The following SARM1 variants were observed in gnomAD, a reference collection of about 807,000 sequenced individuals.
The protein encoded by SARM1 is NAD(+) hydrolase SARM1.
A neutral mutation model predicts 65.1 loss-of-function variants in SARM1; 60 were observed. That is an observed-to-expected ratio of 0.92 (90% CI 0.75 to 1.14). The LOEUF (loss-of-function observed/expected upper bound fraction) is 1.14. SARM1 is among the 50% of genes most tolerant of loss of function. The probability of loss-of-function intolerance (pLI) is 0.00; values close to 1 mark genes in which losing one functional copy is unlikely to be tolerated. For synonymous variants in SARM1, 417 were observed against 465.4 expected, an observed-to-expected ratio of 0.90 and a Z score of 1.34; for missense variants, 913 against 1,015.7, an observed-to-expected ratio of 0.90 and a Z score of 1.37.
chr17:28,396,293 C>A lies in SARM1; in HGVS notation c.*7C>A. ...ACCCATGGGTCCAACCTAACCAGTC[C>A]CCAGTTCCCCAGCCCTGCTGTGACT... On this transcript the variant is annotated 3_prime_UTR_variant, in exon 9 of 9. Transcript: ENST00000585482. 1 of 1,613,730 alleles carries A rather than the reference C, an allele frequency of 6.2e-7. No homozygotes were observed. Among genetic ancestry groups the A allele is most frequent in the Non-Finnish European group, 8.5e-7 (1 of 1,179,822 alleles).
chr17:28,388,348 A>C lies in SARM1; in HGVS notation c.1734-2A>C, dbSNP rs782806850. The C allele has an allele frequency of 3.7e-6, 6 of 1,613,634 alleles. No homozygotes were observed. The highest frequency in any genetic ancestry group is 5.1e-6 in the Non-Finnish European group (6 of 1,179,792). ...TGGCACTGACACAGGACTTACTTGC[A>C]GTCTCCTGAAGGTGCACCTGCAGCT... is the stretch of plus-strand genomic sequence containing the variant. On this transcript the variant is annotated splice_acceptor_variant, in intron 6 of 8. Transcript: ENST00000585482. LOFTEE classifies it high-confidence loss of function.
rs1305677725 is a variant in SARM1, at chr17:28,384,044, G to T, written c.1090-313G>T. ...TGAGGTGAACTGGGAGTGATGGGCA[G>T]CTGCACTGTGCCCTGCCTGGCGCTA... On this transcript the variant is annotated intron_variant, in intron 2 of 8. Coordinates refer to ENST00000585482, the MANE Select transcript of SARM1 (RefSeq NM_015077.4). The surrounding 1 kb of genome is among the most constrained non-coding windows in gnomAD (Gnocchi z 4.4). Among the ~76,000 whole-genome samples the T allele has an allele frequency of 6.6e-6, 1 of 152,166 alleles. No individual in the cohort carries two copies. Among genetic ancestry groups the T allele is most frequent in the Non-Finnish European group, 1.5e-5 (1 of 68,034 alleles).
In SARM1 at chr17:28,398,222, A is replaced by G; in HGVS notation, c.*1936A>G. On this transcript the variant is annotated 3_prime_UTR_variant, in exon 9 of 9. Transcript: ENST00000585482. ...GTCCCACTCCCTCCTGAGGTCCCCAAGGGCAGTATTCAGAGAGGTTTCCTG... is the reference window on the plus strand; with the variant it reads ...GTCCCACTCCCTCCTGAGGTCCCCAGGGGCAGTATTCAGAGAGGTTTCCTG... The G allele has an allele frequency of 6.6e-6, 1 of 152,482 alleles. No homozygotes were observed. The highest frequency in any genetic ancestry group is 2.1e-4 in the South Asian group (1 of 4,830). 9.4% of individuals were successfully genotyped at this position (152,482 alleles called of 1,614,324 possible). A position where few individuals can be genotyped will look rare whatever the true frequency, so the allele number is the denominator to read the frequency against.
Position 28,384,755 on chromosome 17 carries a change from C to G in SARM1, c.1303-84C>G. Reference sequence around the variant, plus strand: ...GTCCCATCCGCCTCCTCCACGCCATCTCCAGTTCCTTCCCTTGCATCTTGT... The same window carrying G: ...GTCCCATCCGCCTCCTCCACGCCATGTCCAGTTCCTTCCCTTGCATCTTGT... On this transcript the variant is annotated intron_variant, in intron 3 of 8. Transcript: ENST00000585482. The surrounding 1 kb of genome is among the most constrained non-coding windows in gnomAD (Gnocchi z 4.4). 1 of 1,356,000 alleles carries G rather than the reference C, an allele frequency of 7.4e-7. No individual in the cohort carries two copies. Among genetic ancestry groups the G allele is most frequent in the East Asian group, 2.5e-5 (1 of 39,962 alleles). 84.0% of individuals were successfully genotyped at this position (1,356,000 alleles called of 1,614,324 possible).
At chr17:28,381,092 T>C (rs1343442171) in intron 1 of SARM1, 111 bp from the exon 2 acceptor site, 2 of 1,301,202 alleles carry the variant, frequency 1.5e-6, no homozygotes, top group Non-Finnish European at 2.1e-6. Flanking sequence ...TGCTCTCCCC[T>C]ATATGAGGCC....
chr17:28,381,966 G>T, intron 2 of SARM1, 145 bp downstream of exon 2: 1 of 1,106,594 alleles, frequency 9.0e-7, no homozygotes, highest in Non-Finnish European at 1.2e-6. Flanking sequence ...CAGTCATTTT[G>T]GCGTTGAAGG....
chr17:28,381,689 C>A lies in SARM1; in HGVS notation c.957C>A (p.Ser319Arg). ...GTCTGGTGGACGCCAGCGACACAAG[C>A]CAGGGCCGCGGGCCCGACGACCTGC... The part of the protein sequence containing the change: ...ARCLVDASDT[S>R]QGRGPDDLQR... The change falls in exon 2 of 9, where the codon AGC becomes AGA. Residue 319 changes from serine to arginine, a missense_variant. Ser to Arg is a moderately radical substitution (Grantham distance 110, BLOSUM62 -1). This residue lies in a region of SARM1 where 862 missense variants were observed against 952.1 expected (regional missense o/e 0.91). Coordinates refer to ENST00000585482, the MANE Select transcript of SARM1 (RefSeq NM_015077.4). 1 of 1,561,868 alleles carries A rather than the reference C, an allele frequency of 6.4e-7. No individual in the cohort carries two copies. The highest frequency in any genetic ancestry group is 8.7e-7 in the Non-Finnish European group (1 of 1,154,590).
chr17:28,375,665 G>C (rs1466966729), intron 1 of SARM1, among the ~76,000 whole-genome samples: 1 of 151,410 alleles, frequency 6.6e-6, no homozygotes, highest in Non-Finnish European at 1.5e-5. Flanking sequence ...GCACACAAAA[G>C]GTATACAGTT....
At chr17:28,393,856 T>A (rs1478682605) in intron 7 of SARM1, among the ~76,000 whole-genome samples, 1 of 152,238 alleles carries the variant, frequency 6.6e-6, no homozygotes, top group Non-Finnish European at 1.5e-5. Flanking sequence ...CTGAGTAATT[T>A]ACCCATTAAT....
chr17:28,397,866 C>G lies in SARM1; in HGVS notation c.*1580C>G, dbSNP rs1340342318. On this transcript the variant is annotated 3_prime_UTR_variant, in exon 9 of 9. Coordinates refer to ENST00000585482, the MANE Select transcript of SARM1 (RefSeq NM_015077.4). ...GACACCTTAAAGCTGGCTGCGCCCC[C>G]AGCCCCACTCTTGGCTGTGCTGGCC... The G allele has an allele frequency of 6.5e-6, 1 of 152,930 alleles. No homozygotes were observed. The highest frequency in any genetic ancestry group is 1.5e-5 in the Non-Finnish European group (1 of 68,594). 9.5% of individuals were successfully genotyped at this position (152,930 alleles called of 1,614,324 possible).
intron 1 of SARM1, chr17:28,374,312 CT>C (rs1437433194): frequency 1.4e-5 from 2 of 145,202 alleles, no homozygotes; most frequent in African/African-American, 5.1e-5. Flanking sequence ...AAGGCACTGT[CT>C]ATAATCCTAG....
In SARM1 at chr17:28,385,138, T is replaced by C. The variant is rs1002226271; in HGVS notation, c.1493T>C (p.Phe498Ser). The change falls in exon 5 of 9, where the codon TTC (phenylalanine) becomes TCC (serine). Residue 498 changes from phenylalanine (F) to serine (S), a missense_variant. Coordinates refer to ENST00000585482, the MANE Select transcript of SARM1 (RefSeq NM_015077.4). This position sits in a 1 kb window ranked among gnomAD's most constrained non-coding sequence, Gnocchi z 4.5. The part of the protein sequence containing the change: ...ADWLGSLDPR[F>S]RQYTYGLVSC... ...TGGCTGGGCAGCCTGGACCCGCGCT[T>C]CCGCCAGTACACCTACGGCCTGGTC... is the stretch of plus-strand genomic sequence containing the variant. The C allele has an allele frequency of 1.2e-6, 2 of 1,613,444 alleles. No homozygotes were observed. The highest frequency in any genetic ancestry group is 1.7e-6 in the Non-Finnish European group (2 of 1,179,832).
At position 28,400,032 on chromosome 17, in the gene SARM1, T is replaced by C. The variant is rs2068176989; in HGVS notation, c.*3746T>C. ...CCTCAGCCTCCTTAGTAGCTGGGAC[T>C]ACCAGTGCATACCACCATGCCTGGG... is the stretch of plus-strand genomic sequence containing the variant. On this transcript the variant is annotated 3_prime_UTR_variant, in exon 9 of 9. Transcript: ENST00000585482. 13 of 346,110 alleles carry C rather than the reference T, an allele frequency of 3.8e-5. No homozygotes were observed. In the South Asian group the frequency reaches 4.1e-4, roughly 11 times the overall value. The allele number at this position is 346,110 out of a possible 1,614,324, so 21.4% of individuals were successfully genotyped here.
At chr17:28,379,002 C>T (rs1555584880) in intron 1 of SARM1, among the ~76,000 whole-genome samples, 3 of 152,218 alleles carry the variant, frequency 2.0e-5, no homozygotes, top group East Asian at 3.8e-4. Context: ...CCTCCAACTT[C>T]CTCACACTAC....
In SARM1 at chr17:28,400,789, C is replaced by A; in HGVS notation, c.*4503C>A. On this transcript the variant is annotated 3_prime_UTR_variant, in exon 9 of 9. Transcript: ENST00000585482. ...CACCTGTGAAGAAATAAATACCATA[C>A]TCTGGAGTCCGAAAGGGCCATATTC... The A allele has an allele frequency of 6.4e-7, 1 of 1,550,908 alleles. No individual in the cohort carries two copies. Among genetic ancestry groups the A allele is most frequent in the Non-Finnish European group, 8.7e-7 (1 of 1,147,186 alleles).
rs111910309 is a variant in SARM1 at position 28,371,830 on chromosome 17, C to T, written c.-203C>T. 2.2e-3 allele frequency: 1,013 copies of T among 454,266 alleles called. 6 individuals are homozygous for T. Among genetic ancestry groups the T allele is most frequent in the Middle Eastern group, 0.015 (26 of 1,692 alleles). 28.1% of individuals were successfully genotyped at this position (454,266 alleles called of 1,614,324 possible). A position where few individuals can be genotyped will look rare whatever the true frequency, so the allele number is the denominator to read the frequency against. On this transcript the variant is annotated 5_prime_UTR_variant, in exon 1 of 9. Transcript: ENST00000585482. ...CCACTCCCTGCATCTGGGCCTGCAT[C>T]ACCTTTGCCAACCGCTCCCCCGATC...
chr17:28,377,861 C>T (rs2142425629), intron 1 of SARM1, among the ~76,000 whole-genome samples: 1 of 152,274 alleles, frequency 6.6e-6, no homozygotes, highest in South Asian at 2.1e-4. Flanking sequence ...CTACACCTGG[C>T]TAATTTTTGT....
intron 5 of SARM1, among the ~76,000 whole-genome samples, chr17:28,387,744 C>T (rs1023456008): frequency 6.6e-6 from 1 of 152,212 alleles, no homozygotes; most frequent in African/African-American, 2.4e-5. Flanking sequence ...AGTCCTGGCA[C>T]ACAGCAAGTG....
chr17:28,386,964 C>A (rs2068052987), intron 5 of SARM1, among the ~76,000 whole-genome samples: 1 of 152,110 alleles, frequency 6.6e-6, no homozygotes, highest in Admixed American at 6.5e-5. Context: ...TTCTCAAACT[C>A]CTGGCCTCAA....
Sources: allele counts gnomAD v4.1 joint callset (sites outside exome capture counted in the v4.1 genomes callset), GRCh38; gene constraint gnomAD v4.1.1; regional missense constraint gnomAD v4.1.1; non-coding constraint Gnocchi (gnomAD v3.1); transcripts MANE v1.5; gene names NCBI Gene and HGNC (gene_info 2026-07-23, HGNC 2026-07-21).